Variants in CLBA1 observed in about 807,000 individuals in gnomAD.
The protein encoded by CLBA1 is clathrin binding box of aftiphilin containing 1.
A neutral mutation model predicts 28.8 loss-of-function variants in CLBA1; 30 were observed. The ratio of observed to expected loss-of-function variants is 1.04; its 90% CI spans 0.78 to 1.41. The LOEUF is 1.41. Among genes scored for constraint, CLBA1 ranks in the 40% most tolerant of loss-of-function variants. The pLI, the probability that CLBA1 is intolerant of heterozygous loss-of-function variation, is 0.00. For synonymous variants in CLBA1, 160 were observed against 152.8 expected (o/e 1.05, Z -0.35); for missense variants, 451 against 412.3 (o/e 1.09, Z -0.81).
Position 104,995,200 on chromosome 14 carries a change from GA to G in CLBA1, c.*444del. On this transcript the variant is annotated 3_prime_UTR_variant, in exon 5 of 5. Coordinates refer to ENST00000547315, the MANE Select transcript of CLBA1 (RefSeq NM_174891.4). ...GAGAGACAGCTGTTGAGACCGCTCA[GA>G]AACCCTCTGTCTGTCACACTCTGCC... 1.0e-6 allele frequency: 1 copy of G among 987,350 alleles called. No individual in the cohort carries two copies. Among genetic ancestry groups the G allele is most frequent in the Non-Finnish European group, 1.2e-6 (1 of 831,494 alleles). 61.2% of individuals were successfully genotyped at this position (987,350 alleles called of 1,614,324 possible). A position where few individuals can be genotyped will look rare whatever the true frequency, so the allele number is the denominator to read the frequency against.
In CLBA1 at chr14:104,991,693, G is replaced by A. The variant is rs545351918; in HGVS notation, c.699+73G>A. On this transcript the variant is annotated intron_variant, in intron 3 of 4. Transcript: ENST00000547315. ...TCACTGTCACCAGTGGCCCTTGGCC[G>A]CGCCCAAGGGGTGGGTGCAGGCAGA... The A allele has an allele frequency of 1.2e-4, 178 of 1,515,066 alleles. No individual in the cohort carries two copies. In the African/African-American group the frequency reaches 1.6e-3, roughly 14 times the overall value. 93.9% of individuals were successfully genotyped at this position (1,515,066 alleles called of 1,614,324 possible). A position where few individuals can be genotyped will look rare whatever the true frequency, so the allele number is the denominator to read the frequency against.
At position 104,995,076 on chromosome 14, in the gene CLBA1, AC is replaced by A; in HGVS notation, c.*320del. Reference sequence around the variant, plus strand: ...CTGGTGGGGGGTTGCCCAGGGATGGACCCTGGGCATGGCTTCTGGGCTGCTT... The same window carrying A: ...CTGGTGGGGGGTTGCCCAGGGATGGACCTGGGCATGGCTTCTGGGCTGCTT... On this transcript the variant is annotated 3_prime_UTR_variant, in exon 5 of 5. Coordinates refer to ENST00000547315, the MANE Select transcript of CLBA1 (RefSeq NM_174891.4). The A allele has an allele frequency of 1.9e-6, 2 of 1,033,682 alleles. No individual in the cohort carries two copies. The highest frequency in any genetic ancestry group is 1.2e-6 in the Non-Finnish European group (1 of 861,296). The allele number at this position is 1,033,682 out of a possible 1,614,324, so 64.0% of individuals were successfully genotyped here.
rs1595444552 is a variant in CLBA1, at chr14:104,992,309, T to G, written c.700-639T>G. Among the ~76,000 whole-genome samples, 9 of 152,188 alleles carry G rather than the reference T, an allele frequency of 5.9e-5. No homozygotes were observed. In the South Asian group the frequency reaches 1.9e-3, roughly 32 times the overall value. Reference sequence around the variant, plus strand: ...CAGACTGCCGTGCACGTGCTCAAGCTCCTGGGCTGTCGCAGAAAACGCCAG... The same window carrying G: ...CAGACTGCCGTGCACGTGCTCAAGCGCCTGGGCTGTCGCAGAAAACGCCAG... On this transcript the variant is annotated intron_variant, in intron 3 of 4. Transcript: ENST00000547315.
In CLBA1 at chr14:104,995,022, C is replaced by T; in HGVS notation, c.*263C>T. On this transcript the variant is annotated 3_prime_UTR_variant, in exon 5 of 5. Coordinates refer to ENST00000547315, the MANE Select transcript of CLBA1 (RefSeq NM_174891.4). ...CGGGGTCCAGGTGGCACTCATGGGC[C>T]CCCTGCCCCATGTGAATGCTGCTGG... The T allele has an allele frequency of 9.0e-7, 1 of 1,114,574 alleles. No homozygotes were observed. Among genetic ancestry groups the T allele is most frequent in the African/African-American group, 1.6e-5 (1 of 61,448 alleles). The allele number at this position is 1,114,574 out of a possible 1,614,324, so 69.0% of individuals were successfully genotyped here. A position where few individuals can be genotyped will look rare whatever the true frequency, so the allele number is the denominator to read the frequency against.
intron 4 of CLBA1, chr14:104,993,427 A>T: frequency 1.0e-6 from 1 of 985,322 alleles, no homozygotes; most frequent in Non-Finnish European, 1.2e-6. Context: ...GGGCCAGGGG[A>T]TGTTGACTCC....
chr14:104,991,324 C>A, intron 2 of CLBA1, 167 bp from the exon 3 acceptor site: 3 of 704,692 alleles, frequency 4.3e-6, no homozygotes, highest in Non-Finnish European at 6.7e-6. Flanking sequence ...GTGCCCAGCC[C>A]GGGAACACTG....
intron 4 of CLBA1, chr14:104,993,294 G>A: frequency 1.0e-6 from 1 of 985,422 alleles, no homozygotes; most frequent in Non-Finnish European, 1.2e-6. Flanking sequence ...CAGGCCAGAG[G>A]ACCCAGGATA....
Position 104,994,689 on chromosome 14 carries a change from C to T in CLBA1, c.908C>T (p.Thr303Ile). 1 of 1,614,100 alleles carries T rather than the reference C, an allele frequency of 6.2e-7. No homozygotes were observed. The highest frequency in any genetic ancestry group is 8.5e-7 in the Non-Finnish European group (1 of 1,179,984). Residue 303 changes from threonine (T) to isoleucine (I), a missense_variant, in exon 5 of 5, where the codon ACT (threonine) becomes ATT (isoleucine). By Grantham distance (89) the Thr-to-Ile change is moderately conservative. Coordinates refer to ENST00000547315, the MANE Select transcript of CLBA1 (RefSeq NM_174891.4). ...TCATGCGGAGGTGGCCAGCACATCA[C>T]TATTCCAAGGAAAAGGATGTTCACT... is the stretch of plus-strand genomic sequence containing the variant. ...TPSCGGGQHI[T>I]IPRKRMFTPR...
Position 104,986,060 on chromosome 14 carries a change from C to G in CLBA1, c.-372C>G, listed in dbSNP as rs574004972. On this transcript the variant is annotated 5_prime_UTR_variant, in exon 1 of 5. Transcript: ENST00000547315. Reference sequence around the variant, plus strand: ...GACTCCCGCGGGCGCCCGGCTCTCGCTCCTCTGGCCAGCGTGGGCCTCCCA... The same window carrying G: ...GACTCCCGCGGGCGCCCGGCTCTCGGTCCTCTGGCCAGCGTGGGCCTCCCA... The G allele has an allele frequency of 9.3e-5, 25 of 268,282 alleles. No homozygotes were observed. The South Asian group carries it at 1.1e-3, about 12-fold the overall frequency. The allele number at this position is 268,282 out of a possible 1,614,324, so 16.6% of individuals were successfully genotyped here. A position where few individuals can be genotyped will look rare whatever the true frequency, so the allele number is the denominator to read the frequency against.
At chr14:104,990,051 T>C (rs2582573) in intron 2 of CLBA1, 12,135 of 203,440 alleles carry the variant, frequency 0.06, 1,550 homozygotes, top group African/African-American at 0.26. Flanking sequence ...GTGGTGCTTC[T>C]GCAAAGCATG....
At chr14:104,988,252 C>T (rs1899923087) in intron 1 of CLBA1, among the ~76,000 whole-genome samples, 1 of 152,172 alleles carries the variant, frequency 6.6e-6, no homozygotes, top group African/African-American at 2.4e-5. Context: ...CCACCCTCCT[C>T]CTACCCCTTC....
downstream of CLBA1, among the ~76,000 whole-genome samples, chr14:105,000,173 G>A (rs1900239455): frequency 6.6e-6 from 1 of 152,162 alleles, no homozygotes; most frequent in African/African-American, 2.4e-5. Context: ...TGTCTGATAA[G>A]GGGTTAATAT....
At chr14:104,999,870 CAT>C (rs1223130412), downstream of CLBA1, among the ~76,000 whole-genome samples, 1 of 152,194 alleles carries the variant, frequency 6.6e-6, no homozygotes, top group Non-Finnish European at 1.5e-5. Context: ...CCTAAGATTT[CAT>C]GTTAATGTGC....
At chr14:105,000,277 T>G (rs1595447812), downstream of CLBA1, among the ~76,000 whole-genome samples, 2 of 148,700 alleles carry the variant, frequency 1.3e-5, no homozygotes, top group South Asian at 4.2e-4. Context: ...AGACATTTTT[T>G]CTTTCTTTCT....
chr14:104,989,708 G>A (rs1899966069), intron 2 of CLBA1: 1 of 455,950 alleles, frequency 2.2e-6, no homozygotes, highest in African/African-American at 2.0e-5. Context: ...GAAGCTCGAG[G>A]TAAGTTGGCC....
chr14:104,996,327 T>C, downstream of CLBA1, among the ~76,000 whole-genome samples: 1 of 152,162 alleles, frequency 6.6e-6, no homozygotes, highest in Non-Finnish European at 1.5e-5. Flanking sequence ...GCGACGTACA[T>C]GCAAACCACT....
At chr14:104,992,221 C>T (rs993371507) in intron 3 of CLBA1, among the ~76,000 whole-genome samples, 3 of 151,796 alleles carry the variant, frequency 2.0e-5, no homozygotes, top group Non-Finnish European at 2.9e-5. Context: ...ACTCACATGC[C>T]GCCACGCACA....
chr14:104,993,690 C>T (rs369506805), intron 4 of CLBA1: 5 of 985,416 alleles, frequency 5.1e-6, no homozygotes, highest in Middle Eastern at 5.2e-4. Flanking sequence ...CACCCTCAGA[C>T]CAAGTATTGC....
At position 105,001,219 on chromosome 14, in the gene CLBA1, G is replaced by A. The variant is rs73363375; in HGVS notation, n.216+8155G>A. Among the ~76,000 whole-genome samples the A allele has an allele frequency of 9.9e-4, 151 of 152,346 alleles. 1 individual carries two copies. Among genetic ancestry groups the A allele is most frequent in the African/African-American group, 3.2e-3 (135 of 41,572 alleles). ...GGAACCCAAAAAGTCAAACTCGCCA[G>A]GTGTGGTGGCTCATGCCTGTAATCC... On this transcript the variant is annotated intron_variant and non_coding_transcript_variant, in intron 2 of 2. Transcript: ENST00000548178.
Sources: gnomAD v4.1 joint callset for allele counts (sites outside exome capture counted in the v4.1 genomes callset) on GRCh38, gnomAD v4.1.1 for gene constraint, MANE v1.5 for transcripts, NCBI Gene and HGNC (gene_info 2026-07-23, HGNC 2026-07-21) for gene names.